The following CDH12 variants were observed in gnomAD, a reference collection of about 807,000 sequenced individuals.
CDH12 encodes cadherin 12.
Under a neutral mutation model 74.1 loss-of-function variants are expected in CDH12, and 41 were observed. The observed-to-expected ratio is 0.55, with a 90% CI of 0.43 to 0.72. The LOEUF is 0.72. Ranked by LOEUF, CDH12 falls within the 30% of genes least tolerant of loss-of-function variation. CDH12 has a pLI of 0.00. For synonymous variants in CDH12, 399 were observed against 355.0 expected, an observed-to-expected ratio of 1.12 and a Z score of -1.39; for missense variants, 945 against 977.2, an observed-to-expected ratio of 0.97 and a Z score of 0.44.
chr5:22,780,045 T>C (rs560383284), intron 1 of CDH12, among the ~76,000 whole-genome samples: 5 of 152,314 alleles, frequency 3.3e-5, no homozygotes, highest in African/African-American at 1.2e-4. Flanking sequence ...CTTTGGTTTT[T>C]AAAATAAGCA....
chr5:21,761,412 G>A (rs1362638716), intron 12 of CDH12, among the ~76,000 whole-genome samples: 1 of 152,078 alleles, frequency 6.6e-6, no homozygotes, highest in African/African-American at 2.4e-5. Flanking sequence ...TGGCTTTGAG[G>A]CATTTATTTA....
intron 6 of CDH12, among the ~76,000 whole-genome samples, chr5:21,961,638 G>A (rs1457513456): frequency 1.3e-5 from 2 of 152,176 alleles, no homozygotes; most frequent in African/African-American, 4.8e-5. Context: ...CCTTATGAAA[G>A]GGGGAAATTT....
At chr5:22,423,575 G>C (rs1015259858) in intron 2 of CDH12, among the ~76,000 whole-genome samples, 2 of 152,108 alleles carry the variant, frequency 1.3e-5, no homozygotes, top group African/African-American at 4.8e-5. Flanking sequence ...GTGTTTGTAC[G>C]CATGTAGGGA....
At chr5:21,810,253 C>T (rs1747676291) in intron 9 of CDH12, among the ~76,000 whole-genome samples, 2 of 151,948 alleles carry the variant, frequency 1.3e-5, no homozygotes, top group African/African-American at 4.8e-5. Flanking sequence ...TCTTTCATTC[C>T]CCCATGAATA....
At chr5:22,460,924 T>G (rs901656227) in intron 2 of CDH12, among the ~76,000 whole-genome samples, 1 of 148,010 alleles carries the variant, frequency 6.8e-6, no homozygotes, top group African/African-American at 2.5e-5. Flanking sequence ...TTTCACCATG[T>G]TGGTCAGCCT....
rs1349695653 is a variant in CDH12, at chr5:22,146,026, C to A, written c.-187+66472G>T. Among the ~76,000 whole-genome samples the A allele has an allele frequency of 4.5e-5, 6 of 132,500 alleles. No homozygotes were observed. The East Asian group carries it at 1.2e-3, about 27-fold the overall frequency. The allele number at this position is 132,500 out of a possible 152,430, so 86.9% of individuals were successfully genotyped here. ...AGCATGAAAATGTGCCTGGGTTATG[C>A]AATACACACTTTACCAAAATATGAT... On this transcript the variant is annotated intron_variant, in intron 4 of 14. Coordinates refer to ENST00000382254, the MANE Select transcript of CDH12 (RefSeq NM_004061.5).
chr5:22,229,089 T>C (rs1752296103), intron 3 of CDH12, among the ~76,000 whole-genome samples: 1 of 151,798 alleles, frequency 6.6e-6, no homozygotes, highest in Admixed American at 6.6e-5. Context: ...AAATTCTTAG[T>C]AGCAATTATC....
chr5:22,571,552 C>T (rs1218238386), intron 1 of CDH12, among the ~76,000 whole-genome samples: 5 of 152,196 alleles, frequency 3.3e-5, no homozygotes, highest in Non-Finnish European at 7.3e-5. Context: ...GTCTCGAATT[C>T]CTGACCTCAG....
chr5:22,038,043 G>A (rs1352523406), intron 5 of CDH12, among the ~76,000 whole-genome samples: 2 of 152,192 alleles, frequency 1.3e-5, no homozygotes, highest in Non-Finnish European at 2.9e-5. Flanking sequence ...GCCCAGCTGA[G>A]GAAGCTTCTG....
chr5:22,747,683 C>T (rs976421116), intron 1 of CDH12, among the ~76,000 whole-genome samples: 3 of 150,398 alleles, frequency 2.0e-5, no homozygotes, highest in African/African-American at 7.3e-5. Flanking sequence ...GCTAAAGTTG[C>T]ATTTGAGTTC....
intron 1 of CDH12, among the ~76,000 whole-genome samples, chr5:22,558,690 A>C (rs1192818594): frequency 6.6e-6 from 1 of 152,072 alleles, no homozygotes; most frequent in African/African-American, 2.4e-5. Flanking sequence ...TAAATTACGA[A>C]ATAAAAAAAT....
intron 1 of CDH12, among the ~76,000 whole-genome samples, chr5:22,741,970 C>T (rs1424500864): frequency 6.6e-6 from 1 of 152,132 alleles, no homozygotes; most frequent in Non-Finnish European, 1.5e-5. Flanking sequence ...CACCTGAGGT[C>T]AGGAGTTCGA....
chr5:21,875,746 T>C (rs1425102815), intron 6 of CDH12, among the ~76,000 whole-genome samples: 1 of 152,182 alleles, frequency 6.6e-6, no homozygotes, highest in Non-Finnish European at 1.5e-5. Flanking sequence ...TTAATTGAAA[T>C]CTTGCTTTCC....
chr5:22,843,943 G>A (rs758715572), intron 1 of CDH12, among the ~76,000 whole-genome samples: 2 of 151,838 alleles, frequency 1.3e-5, no homozygotes, highest in Non-Finnish European at 2.9e-5. Flanking sequence ...CACTGTGTAG[G>A]GCTGTGTCTT....
At chr5:22,265,353 G>A (rs1309045220) in intron 3 of CDH12, among the ~76,000 whole-genome samples, 1 of 152,112 alleles carries the variant, frequency 6.6e-6, no homozygotes, top group Non-Finnish European at 1.5e-5. Flanking sequence ...AGGAACTCTG[G>A]AAAATCTGTA....
At chr5:22,562,065 C>T (rs1447641154) in intron 1 of CDH12, among the ~76,000 whole-genome samples, 1 of 152,164 alleles carries the variant, frequency 6.6e-6, no homozygotes, top group Non-Finnish European at 1.5e-5. Context: ...CGCCTGTAAT[C>T]CCAGCACTTT....
intron 3 of CDH12, among the ~76,000 whole-genome samples, chr5:22,231,080 T>C (rs1247407109): frequency 6.6e-6 from 1 of 152,190 alleles, no homozygotes; most frequent in East Asian, 1.9e-4. Context: ...CTGGCAATTG[T>C]ATTAAAAAAT....
chr5:22,432,764 T>G (rs1744227106), intron 2 of CDH12, among the ~76,000 whole-genome samples: 1 of 152,158 alleles, frequency 6.6e-6, no homozygotes, highest in African/African-American at 2.4e-5. Context: ...TCCAAAGTGA[T>G]ACCTTTTTAT....
chr5:21,771,489 C>A (rs1745321086), intron 11 of CDH12, among the ~76,000 whole-genome samples: 1 of 151,990 alleles, frequency 6.6e-6, no homozygotes, highest in Non-Finnish European at 1.5e-5. Context: ...TTCTGTGATT[C>A]CATAAAGGTG....
Sources: gnomAD v4.1 joint callset for allele counts (sites outside exome capture counted in the v4.1 genomes callset) on GRCh38, gnomAD v4.1.1 for gene constraint, MANE v1.5 for transcripts, NCBI Gene and HGNC (gene_info 2026-07-23, HGNC 2026-07-21) for gene names.